Variants in LOC400499 observed in about 807,000 individuals in gnomAD.
the LOC400499 span, chr16:11,442,121 G>C: frequency 6.6e-6 from 1 of 152,202 alleles, no homozygotes; most frequent in Non-Finnish European, 1.5e-5. Context: ...CATCTTTAAA[G>C]GGTGCTCGGC....
chr16:11,375,007 C>T, the LOC400499 span, among the ~76,000 whole-genome samples: 2 of 152,026 alleles, frequency 1.3e-5, no homozygotes, highest in East Asian at 3.9e-4. Context: ...CACCACCACA[C>T]CCAGCTAATT....
At chr16:11,525,856 A>G in the LOC400499 span, among the ~76,000 whole-genome samples, 4 of 152,252 alleles carry the variant, frequency 2.6e-5, no homozygotes, top group Non-Finnish European at 4.4e-5. Context: ...GTCATGATAA[A>G]TTCTTAACAG....
At chr16:11,391,561 C>A in the LOC400499 span, 1 of 1,009,684 alleles carries the variant, frequency 9.9e-7, no homozygotes, top group Non-Finnish European at 1.3e-6. Flanking sequence ...GGCCACATTT[C>A]TGATTGAAAC....
At chr16:11,462,911 A>G in the LOC400499 span, among the ~76,000 whole-genome samples, 1 of 152,132 alleles carries the variant, frequency 6.6e-6, no homozygotes, top group Non-Finnish European at 1.5e-5. Context: ...CTGCCTCACC[A>G]GCTGGAGCCC....
the LOC400499 span, among the ~76,000 whole-genome samples, chr16:11,502,617 CTTTT>C: frequency 4.2e-5 from 6 of 143,186 alleles, no homozygotes; most frequent in South Asian, 2.2e-4. Context: ...TATACATACT[CTTTT>C]TTTTTTTTTT....
the LOC400499 span, chr16:11,417,679 G>A: frequency 1.8e-4 from 72 of 399,246 alleles, no homozygotes; most frequent in East Asian, 1.9e-3. Context: ...TGGGAACCCT[G>A]CCCACAACAA....
the LOC400499 span, among the ~76,000 whole-genome samples, chr16:11,440,432 TG>T: frequency 6.6e-6 from 1 of 152,202 alleles, no homozygotes; most frequent in Non-Finnish European, 1.5e-5. Context: ...ATCTGCCTGC[TG>T]GGGCACAGCC....
At chr16:11,475,583 T>G in the LOC400499 span, 2 of 398,776 alleles carry the variant, frequency 5.0e-6, no homozygotes, top group Admixed American at 4.4e-5. Flanking sequence ...AACCCTGGGA[T>G]GCCCACCTTG....
chr16:11,491,816 G>A, the LOC400499 span: 1 of 398,940 alleles, frequency 2.5e-6, no homozygotes, highest in Non-Finnish European at 4.4e-6. Context: ...CCTCCTCCAG[G>A]GATTGGTATA....
chr16:11,459,427 A>G, the LOC400499 span, among the ~76,000 whole-genome samples: 1 of 152,012 alleles, frequency 6.6e-6, no homozygotes, highest in South Asian at 2.1e-4. Flanking sequence ...CGATCTCCTG[A>G]TCTCGTGATC....
chr16:11,515,652 G>C, the LOC400499 span, among the ~76,000 whole-genome samples: 1 of 150,732 alleles, frequency 6.6e-6, no homozygotes, highest in African/African-American at 2.4e-5. Context: ...AGGAGGTAAA[G>C]GAAGGAGGAC....
chr16:11,451,266 G>A, the LOC400499 span, among the ~76,000 whole-genome samples: 28 of 152,194 alleles, frequency 1.8e-4, no homozygotes, highest in Admixed American at 1.8e-3. Flanking sequence ...CAACTCTTCT[G>A]AATGCAATTT....
chr16:11,520,664 C>CAAAA, the LOC400499 span, among the ~76,000 whole-genome samples: 5 of 63,140 alleles, frequency 7.9e-5, no homozygotes, highest in Non-Finnish European at 1.2e-4. Context: ...GAGACTCCAT[C>CAAAA]AAAAAAAAAA....
the LOC400499 span, chr16:11,435,666 C>G: frequency 2.5e-6 from 1 of 399,336 alleles, no homozygotes; most frequent in Non-Finnish European, 4.4e-6. Flanking sequence ...CATTACCTTG[C>G]TGGGGTGATC....
chr16:11,440,395 A>C, the LOC400499 span, among the ~76,000 whole-genome samples: 2 of 152,294 alleles, frequency 1.3e-5, no homozygotes, highest in South Asian at 4.1e-4. Flanking sequence ...AAAGCCTCCT[A>C]CATAATTCTC....
the LOC400499 span, chr16:11,399,163 C>G: frequency 1.0e-6 from 1 of 969,600 alleles, no homozygotes; most frequent in Non-Finnish European, 1.2e-6. Flanking sequence ...CCTCGGGGAA[C>G]CGGAGCTCCC....
At chr16:11,428,762 C>T in the LOC400499 span, among the ~76,000 whole-genome samples, 1 of 152,110 alleles carries the variant, frequency 6.6e-6, no homozygotes, top group Non-Finnish European at 1.5e-5. Context: ...CTACCCAGCC[C>T]CTATTCAAGA....
At chr16:11,460,640 C>A in the LOC400499 span, 2 of 1,501,512 alleles carry the variant, frequency 1.3e-6, no homozygotes, top group South Asian at 2.5e-5. Flanking sequence ...GACCCCTGCC[C>A]TCCTCTGCCA....
chr16:11,452,757 C>G, the LOC400499 span, among the ~76,000 whole-genome samples: 1 of 152,242 alleles, frequency 6.6e-6, no homozygotes, highest in Non-Finnish European at 1.5e-5. Context: ...TTGTCACCAT[C>G]TGGGGACATT....
Sources: gnomAD v4.1 joint callset for allele counts (sites outside exome capture counted in the v4.1 genomes callset) on GRCh38, gnomAD v4.1.1 for gene constraint, MANE v1.5 for transcripts.